Variants in OSBP2 observed in about 807,000 individuals in gnomAD.
The protein encoded by OSBP2 is oxysterol binding protein 2.
A neutral mutation model predicts 96.0 loss-of-function variants in OSBP2; 66 were observed. The observed-to-expected ratio is 0.69, with a 90% confidence interval of 0.56 to 0.84. The LOEUF (loss-of-function observed/expected upper bound fraction) is 0.84, where lower values mean the gene tolerates loss of function less well. Ranked by LOEUF, OSBP2 falls within the 40% of genes least tolerant of loss-of-function variation. OSBP2 has a pLI of 0.00. For missense variants in OSBP2, 1,038 were observed against 1,222.7 expected, an observed-to-expected ratio of 0.85 and a Z score of 2.25; for synonymous variants, 525 against 520.9, an observed-to-expected ratio of 1.01 and a Z score of -0.11.
chr22:30,890,325 T>A lies in OSBP2; in HGVS notation c.1624-403T>A, dbSNP rs139441410. Among the ~76,000 whole-genome samples the A allele has an allele frequency of 2.8e-4, 42 of 151,170 alleles. No homozygotes were observed. Among genetic ancestry groups the A allele is most frequent in the African/African-American group, 1.0e-3 (42 of 41,110 alleles). On this transcript the variant is annotated intron_variant, in intron 7 of 13. Transcript: ENST00000332585. This position sits in a 1 kb window ranked among gnomAD's most constrained non-coding sequence, Gnocchi z 4.4. Reference sequence around the variant, plus strand: ...CTAACCCATCCTGTGCCGGGCCCCATCACAGCTCGCAACATGGGGAAGACC... The same window carrying A: ...CTAACCCATCCTGTGCCGGGCCCCAACACAGCTCGCAACATGGGGAAGACC...
At chr22:30,728,845 C>T (rs182395970) in intron 1 of OSBP2, among the ~76,000 whole-genome samples, 3 of 152,264 alleles carry the variant, frequency 2.0e-5, no homozygotes, top group Admixed American at 1.3e-4. Flanking sequence ...GTATTATATT[C>T]CCCCATTTGG....
intron 1 of OSBP2, among the ~76,000 whole-genome samples, chr22:30,697,736 C>T (rs1032286426): frequency 6.6e-6 from 1 of 152,120 alleles, no homozygotes; most frequent in African/African-American, 2.4e-5. Flanking sequence ...TCTGCAATTT[C>T]CTTTTCGGAC....
intron 2 of OSBP2, among the ~76,000 whole-genome samples, chr22:30,779,929 C>T (rs1356703859): frequency 1.3e-5 from 2 of 152,218 alleles, no homozygotes; most frequent in Admixed American, 6.5e-5. Flanking sequence ...TCTCTCCCCA[C>T]AGCTTGTCTT....
intron 2 of OSBP2, among the ~76,000 whole-genome samples, chr22:30,867,351 TG>T (rs1369193185): frequency 6.6e-6 from 1 of 152,184 alleles, no homozygotes; most frequent in Non-Finnish European, 1.5e-5. Flanking sequence ...CCTACTCCTC[TG>T]TGTCTCACCC....
chr22:30,836,722 T>C (rs2038640368), intron 2 of OSBP2, among the ~76,000 whole-genome samples: 1 of 152,112 alleles, frequency 6.6e-6, no homozygotes, highest in Non-Finnish European at 1.5e-5. Flanking sequence ...GCAGGGCAGG[T>C]AGCCCCAGGG....
chr22:30,694,047 C>G, upstream of OSBP2: 1 of 1,544,658 alleles, frequency 6.5e-7, no homozygotes, highest in South Asian at 1.2e-5. Context: ...TTGTTATGGA[C>G]CTACTCTGGA....
At chr22:30,884,478 C>T (rs2039768038) in intron 3 of OSBP2, among the ~76,000 whole-genome samples, 1 of 152,226 alleles carries the variant, frequency 6.6e-6, no homozygotes, top group African/African-American at 2.4e-5. Flanking sequence ...TGCTGGCTTC[C>T]TTGGGCAGGC....
rs115022609 is a variant in OSBP2, at chr22:30,702,846, C to T, written c.644+7293C>T. ...AGTTTGGCATCTTCTTTGTATTCCACATAGAGCCTGGAGTAGTACTTGCCA... is the reference window on the plus strand; with the variant it reads ...AGTTTGGCATCTTCTTTGTATTCCATATAGAGCCTGGAGTAGTACTTGCCA... On this transcript the variant is annotated intron_variant, in intron 1 of 13. Coordinates refer to ENST00000332585, the MANE Select transcript of OSBP2 (RefSeq NM_030758.4). Among the ~76,000 whole-genome samples the T allele has an allele frequency of 6.4e-3, 978 of 152,298 alleles. 11 individuals are homozygous for T. Among genetic ancestry groups the T allele is most frequent in the African/African-American group, 0.022 (925 of 41,558 alleles).
At chr22:30,773,939 C>G (rs866080032) in intron 2 of OSBP2, among the ~76,000 whole-genome samples, 1 of 152,174 alleles carries the variant, frequency 6.6e-6, no homozygotes, top group African/African-American at 2.4e-5. Context: ...CCTCCAGCTG[C>G]TGCCATTTGT....
At chr22:30,722,637 CTCTT>C (rs2089569718) in intron 1 of OSBP2, among the ~76,000 whole-genome samples, 1 of 144,360 alleles carries the variant, frequency 6.9e-6, no homozygotes, top group African/African-American at 2.9e-5. Flanking sequence ...CTTTCTTTCT[CTCTT>C]TCTCTTTCTC....
At chr22:30,699,678 G>A (rs1444054292) in intron 1 of OSBP2, among the ~76,000 whole-genome samples, 1 of 152,120 alleles carries the variant, frequency 6.6e-6, no homozygotes, top group African/African-American at 2.4e-5. Context: ...AAGAGTGGGG[G>A]TTTGGATTAA....
rs146531709 is a variant in OSBP2 at position 30,826,464 on chromosome 22, C to T, written c.854-43965C>T. ...GCCCCTCCCTCATAATAAATTCATC[C>T]TTGCAGGCGCAATGCCCATTCTAGT... On this transcript the variant is annotated intron_variant, in intron 2 of 13. Coordinates refer to ENST00000332585, the MANE Select transcript of OSBP2 (RefSeq NM_030758.4). 8.1e-4 allele frequency among the ~76,000 whole-genome samples: 123 copies of T among 152,306 alleles called. 2 individuals carry two copies. The highest frequency in any genetic ancestry group is 3.4e-3 in the Middle Eastern group (1 of 294).
chr22:30,894,059 G>C (rs2040013576), intron 12 of OSBP2, 58 bp downstream of exon 12: 1 of 1,486,156 alleles, frequency 6.7e-7, no homozygotes, highest in African/African-American at 1.4e-5. Flanking sequence ...GAGGACAGTG[G>C]ACAGAAAGCA....
At chr22:30,847,746 A>C (rs1386413681) in intron 2 of OSBP2, among the ~76,000 whole-genome samples, 1 of 152,102 alleles carries the variant, frequency 6.6e-6, no homozygotes, top group Non-Finnish European at 1.5e-5. Context: ...TATTTTGTCT[A>C]AGTTGTCAAG....
chr22:30,760,651 A>G (rs766901642), intron 2 of OSBP2, among the ~76,000 whole-genome samples: 41 of 152,038 alleles, frequency 2.7e-4, no homozygotes, highest in South Asian at 2.1e-4. Flanking sequence ...CCCTGTCTCT[A>G]CTGAAAATAC....
intron 2 of OSBP2, among the ~76,000 whole-genome samples, chr22:30,835,748 G>A (rs1431597459): frequency 7.2e-6 from 1 of 139,098 alleles, no homozygotes; most frequent in East Asian, 2.1e-4. Flanking sequence ...AAGATACAAA[G>A]TCTCATTTTG....
At chr22:30,708,042 C>G (rs1209585880) in intron 1 of OSBP2, among the ~76,000 whole-genome samples, 1 of 152,016 alleles carries the variant, frequency 6.6e-6, no homozygotes, top group African/African-American at 2.4e-5. Flanking sequence ...CATCTGCCAC[C>G]ATGCCTGGCT....
intron 1 of OSBP2, among the ~76,000 whole-genome samples, chr22:30,707,037 AATG>A (rs2089265439): frequency 6.6e-6 from 1 of 151,940 alleles, no homozygotes; most frequent in African/African-American, 2.4e-5. Flanking sequence ...ATGTCTTCTC[AATG>A]TAGTGTCCTC....
At chr22:30,889,876 C>A (rs2039905022) in intron 7 of OSBP2, among the ~76,000 whole-genome samples, 1 of 152,198 alleles carries the variant, frequency 6.6e-6, no homozygotes, top group Non-Finnish European at 1.5e-5. Flanking sequence ...CATGGATCAG[C>A]AACCTGGGGA....
Sources: gnomAD v4.1 joint callset for allele counts (sites outside exome capture counted in the v4.1 genomes callset) on GRCh38, gnomAD v4.1.1 for gene constraint, Gnocchi (gnomAD v3.1) non-coding constraint, MANE v1.5 for transcripts, NCBI Gene and HGNC (gene_info 2026-07-23, HGNC 2026-07-21) for gene names.